Variants in SYNDIG1L observed in about 807,000 individuals in gnomAD.
SYNDIG1L encodes synapse differentiation inducing 1 like.
Under a neutral mutation model 20.1 loss-of-function variants are expected in SYNDIG1L, and 13 were observed. The observed-to-expected ratio is 0.65, with a 90% CI of 0.42 to 1.03. The LOEUF is 1.03. Ranked by LOEUF, SYNDIG1L falls within the 50% of genes least tolerant of loss-of-function variation. The probability of loss-of-function intolerance (pLI) is 0.00; values close to 1 mark genes in which losing one functional copy is unlikely to be tolerated. For missense variants in SYNDIG1L, 294 were observed against 305.1 expected (o/e 0.96, Z 0.27); for synonymous variants, 128 against 129.3 (o/e 0.99, Z 0.07).
the SYNDIG1L span, chr14:74,476,483 A>G: frequency 2.0e-6 from 3 of 1,523,158 alleles, no homozygotes; most frequent in South Asian, 1.2e-5. Context: ...CCACACTGAC[A>G]TGCCACGTCT....
intron 1 of SYNDIG1L, among the ~76,000 whole-genome samples, chr14:74,410,743 C>G (rs537034669): frequency 2.0e-5 from 3 of 152,134 alleles, no homozygotes; most frequent in Non-Finnish European, 4.4e-5. Context: ...GCTTGGCACA[C>G]GGCATGTGCT....
the SYNDIG1L span, among the ~76,000 whole-genome samples, chr14:74,459,464 A>G: frequency 6.6e-6 from 1 of 152,214 alleles, no homozygotes; most frequent in Non-Finnish European, 1.5e-5. Context: ...AGATTGTGCC[A>G]CTGCACTCCA....
intron 1 of SYNDIG1L, among the ~76,000 whole-genome samples, chr14:74,421,726 C>A (rs572059218): frequency 6.6e-6 from 1 of 152,004 alleles, no homozygotes; most frequent in South Asian, 2.1e-4. Context: ...ATTTGAGAAT[C>A]GTCGAAGGAC....
the SYNDIG1L span, among the ~76,000 whole-genome samples, chr14:74,449,009 A>C: frequency 2.6e-5 from 4 of 152,140 alleles, no homozygotes; most frequent in East Asian, 7.7e-4. Context: ...AGACAGAAGG[A>C]TCACTTGAGG....
chr14:74,451,984 T>TAAA, the SYNDIG1L span, among the ~76,000 whole-genome samples: 91 of 65,264 alleles, frequency 1.4e-3, no homozygotes, highest in African/African-American at 4.8e-3. Flanking sequence ...AGACTTTGTC[T>TAAA]AAAAAAAAAA....
the SYNDIG1L span, among the ~76,000 whole-genome samples, chr14:74,477,039 AACACACACACACACACACAC>A: frequency 8.2e-5 from 8 of 97,074 alleles, no homozygotes; most frequent in East Asian, 1.4e-3. Context: ...CCCCATTCCC[AACACACACACACACACACAC>A]ACACACACAC....
the SYNDIG1L span, among the ~76,000 whole-genome samples, chr14:74,448,214 A>G: frequency 6.6e-6 from 1 of 152,190 alleles, no homozygotes; most frequent in South Asian, 2.1e-4. Flanking sequence ...AGACTGTTAA[A>G]TTAGTATAAA....
the SYNDIG1L span, among the ~76,000 whole-genome samples, chr14:74,432,425 G>A: frequency 5.3e-5 from 8 of 152,152 alleles, no homozygotes; most frequent in Non-Finnish European, 7.3e-5. Flanking sequence ...TGTTATTCCA[G>A]CACAAACTGT....
intron 1 of SYNDIG1L, among the ~76,000 whole-genome samples, chr14:74,420,572 T>C (rs956006398): frequency 3.9e-5 from 6 of 152,018 alleles, no homozygotes; most frequent in African/African-American, 1.4e-4. Context: ...CTCCCAGGTT[T>C]CTGGCTTTGT....
At chr14:74,452,517 C>T in the SYNDIG1L span, among the ~76,000 whole-genome samples, 1 of 152,160 alleles carries the variant, frequency 6.6e-6, no homozygotes, top group Non-Finnish European at 1.5e-5. Context: ...ACTTGCTCCT[C>T]CTTGCCTTCT....
chr14:74,436,622 G>A, the SYNDIG1L span, among the ~76,000 whole-genome samples: 1 of 151,846 alleles, frequency 6.6e-6, no homozygotes, highest in African/African-American at 2.4e-5. Flanking sequence ...GCCGAGGCGG[G>A]CGGATCTTCT....
At chr14:74,429,690 G>A (rs1429413551), upstream of SYNDIG1L, among the ~76,000 whole-genome samples, 2 of 152,240 alleles carry the variant, frequency 1.3e-5, no homozygotes, top group African/African-American at 4.8e-5. Flanking sequence ...CAGGAGAGGT[G>A]GGCCTTTGGA....
At chr14:74,448,848 C>A in the SYNDIG1L span, among the ~76,000 whole-genome samples, 1 of 152,070 alleles carries the variant, frequency 6.6e-6, no homozygotes, top group African/African-American at 2.4e-5. Context: ...GCAGGAGGAT[C>A]ACTTGAGTTC....
At chr14:74,408,986 C>A (rs1478735925) in intron 2 of SYNDIG1L, among the ~76,000 whole-genome samples, 1 of 152,086 alleles carries the variant, frequency 6.6e-6, no homozygotes, top group Non-Finnish European at 1.5e-5. Flanking sequence ...ATACAGATTC[C>A]TGGGCCCTAA....
At chr14:74,442,917 C>T in the SYNDIG1L span, among the ~76,000 whole-genome samples, 2 of 152,176 alleles carry the variant, frequency 1.3e-5, no homozygotes, top group Non-Finnish European at 2.9e-5. Context: ...AAAAGAGGGA[C>T]TCCCAGAGGA....
Position 74,407,459 on chromosome 14 carries a change from C to A in SYNDIG1L, c.*76G>T. Reference sequence around the variant, plus strand: ...GATCATCTTCAGGGGCCGGGCCTTTCCATAGGGTCTGCAACTCCAAGCCCC... The same window carrying A: ...GATCATCTTCAGGGGCCGGGCCTTTACATAGGGTCTGCAACTCCAAGCCCC... On this transcript the variant is annotated 3_prime_UTR_variant, in exon 4 of 4. Coordinates refer to ENST00000331628, the MANE Select transcript of SYNDIG1L (RefSeq NM_001105579.2). 6.3e-7 allele frequency: 1 copy of A among 1,593,770 alleles called. No individual in the cohort carries two copies. The highest frequency in any genetic ancestry group is 1.1e-5 in the South Asian group (1 of 90,108).
chr14:74,451,944 C>T, the SYNDIG1L span, among the ~76,000 whole-genome samples: 2 of 141,586 alleles, frequency 1.4e-5, no homozygotes, highest in African/African-American at 5.3e-5. Context: ...GAGCCGAGAC[C>T]ATGCCATTAC....
At chr14:74,480,120 C>T in the SYNDIG1L span, 845 of 1,562,398 alleles carry the variant, frequency 5.4e-4, 4 homozygotes, top group African/African-American at 9.7e-3. Context: ...ACCAGCCACC[C>T]GGAGCTCAGT....
chr14:74,479,839 C>T, the SYNDIG1L span: 2 of 377,180 alleles, frequency 5.3e-6, no homozygotes, highest in Non-Finnish European at 8.3e-6. Flanking sequence ...CTGAAAAAGT[C>T]ATGTCTTCAG....
Sources: allele counts gnomAD v4.1 joint callset (sites outside exome capture counted in the v4.1 genomes callset), GRCh38; gene constraint gnomAD v4.1.1; transcripts MANE v1.5; gene names NCBI Gene and HGNC (gene_info 2026-07-23, HGNC 2026-07-21).